The following USP10 variants were observed in gnomAD, a reference collection of about 807,000 sequenced individuals.
USP10 encodes the protein ubiquitin carboxyl-terminal hydrolase 10.
A neutral mutation model predicts 84.5 loss-of-function variants in USP10; 22 were observed. The ratio of observed to expected loss-of-function variants is 0.26; its 90% confidence interval spans 0.19 to 0.37. USP10 has a LOEUF of 0.37. Among genes scored for constraint, USP10 ranks in the 10% least tolerant of loss-of-function variants. USP10 has a pLI of 1.00. For missense variants in USP10, 1,019 were observed against 998.9 expected (o/e 1.02, Z -0.27); for synonymous variants, 454 against 387.6 (o/e 1.17, Z -2.01).
At chr16:84,720,893 ATT>A (rs1192679893) in intron 1 of USP10, among the ~76,000 whole-genome samples, 13 of 98,950 alleles carry the variant, frequency 1.3e-4, no homozygotes, top group Non-Finnish European at 1.5e-4. Flanking sequence ...ATGATGCACA[ATT>A]TTTTTTTTTT....
intron 13 of USP10, among the ~76,000 whole-genome samples, chr16:84,777,504 C>T (rs1194140300): frequency 6.6e-6 from 1 of 152,178 alleles, no homozygotes; most frequent in Non-Finnish European, 1.5e-5. Context: ...GTGACTTGTG[C>T]AGCACAGGAT....
intron 10 of USP10, among the ~76,000 whole-genome samples, chr16:84,767,427 G>T (rs1168796488): frequency 6.6e-6 from 1 of 152,132 alleles, no homozygotes; most frequent in African/African-American, 2.4e-5. Context: ...TTCCTGGAAT[G>T]TTAACTTGTT....
intron 1 of USP10, among the ~76,000 whole-genome samples, chr16:84,728,703 G>A (rs2150791206): frequency 6.6e-6 from 1 of 152,138 alleles, no homozygotes; most frequent in East Asian, 1.9e-4. Flanking sequence ...TAAGTATTTG[G>A]CCATTTTCCC....
intron 4 of USP10, among the ~76,000 whole-genome samples, chr16:84,755,291 C>G (rs1022910884): frequency 6.6e-6 from 1 of 151,782 alleles, no homozygotes. Context: ...CCTTCCGTAT[C>G]GTCAAGAAAA....
intron 4 of USP10, 150 bp from the exon 5 acceptor site, chr16:84,758,566 G>C: frequency 1.6e-6 from 1 of 613,738 alleles, no homozygotes; most frequent in Non-Finnish European, 2.9e-6. Context: ...ATGTTGAACT[G>C]AATGAAGCCT....
intron 1 of USP10, chr16:84,716,446 T>G (rs1218753311): frequency 6.6e-6 from 1 of 152,216 alleles, no homozygotes; most frequent in African/African-American, 2.4e-5. Flanking sequence ...TTTATTAGAT[T>G]CTCAGTATTG....
intron 3 of USP10, among the ~76,000 whole-genome samples, chr16:84,742,002 A>G (rs1910682462): frequency 6.6e-6 from 1 of 152,222 alleles, no homozygotes; most frequent in Admixed American, 6.5e-5. Context: ...AGCTGCAGCA[A>G]GCCCTTTGCA....
At chr16:84,754,725 A>G (rs951103659) in intron 4 of USP10, among the ~76,000 whole-genome samples, 1 of 152,244 alleles carries the variant, frequency 6.6e-6, no homozygotes, top group Admixed American at 6.5e-5. Flanking sequence ...ATGCTGTCTC[A>G]CAAATAAATG....
intron 12 of USP10, among the ~76,000 whole-genome samples, chr16:84,773,279 C>T (rs943749098): frequency 6.6e-6 from 1 of 152,202 alleles, no homozygotes; most frequent in Non-Finnish European, 1.5e-5. Context: ...TAGTACAACA[C>T]TGAGGCTTGA....
At chr16:84,766,366 C>G (rs1328832311) in intron 10 of USP10, among the ~76,000 whole-genome samples, 6 of 152,346 alleles carry the variant, frequency 3.9e-5, no homozygotes, top group South Asian at 2.1e-4. Context: ...TCAGTTGTCA[C>G]CTGGGAAACA....
At chr16:84,739,083 G>C (rs1380443669) in intron 2 of USP10, among the ~76,000 whole-genome samples, 3 of 143,352 alleles carry the variant, frequency 2.1e-5, no homozygotes, top group Non-Finnish European at 4.6e-5. Flanking sequence ...TTTTGAGACA[G>C]AGTCTTGTGC....
intron 3 of USP10, among the ~76,000 whole-genome samples, chr16:84,741,749 C>G (rs922423571): frequency 4.6e-5 from 7 of 152,220 alleles, no homozygotes; most frequent in Non-Finnish European, 1.0e-4. Flanking sequence ...TTCTCTGCAG[C>G]CTTTCTGGGT....
intron 13 of USP10, among the ~76,000 whole-genome samples, chr16:84,776,810 C>T (rs145384749): frequency 2.0e-5 from 3 of 152,140 alleles, no homozygotes; most frequent in African/African-American, 7.2e-5. Flanking sequence ...GAATCCTCAT[C>T]CCCTAACCCA....
chr16:84,738,693 T>A (rs1910243572), intron 2 of USP10, among the ~76,000 whole-genome samples: 1 of 152,264 alleles, frequency 6.6e-6, no homozygotes, highest in Admixed American at 6.5e-5. Context: ...TGTCAACTCC[T>A]GAAGGTGTTG....
intron 12 of USP10, among the ~76,000 whole-genome samples, chr16:84,773,155 C>G (rs1049454076): frequency 1.3e-5 from 2 of 152,174 alleles, no homozygotes; most frequent in Non-Finnish European, 2.9e-5. Context: ...TGTCAGGTCA[C>G]GGGCTCGGCA....
At chr16:84,754,448 T>G (rs1308406170) in intron 4 of USP10, among the ~76,000 whole-genome samples, 1 of 152,136 alleles carries the variant, frequency 6.6e-6, no homozygotes, top group African/African-American at 2.4e-5. Flanking sequence ...AAGGAAAGCT[T>G]GGTGGAGTAC....
chr16:84,739,663 TTTAAG>T (rs1047371601), intron 2 of USP10, among the ~76,000 whole-genome samples: 28 of 152,206 alleles, frequency 1.8e-4, no homozygotes, highest in African/African-American at 5.8e-4. Context: ...AGAAGAAAAA[TTTAAG>T]TTATTTTTGA....
chr16:84,759,329 A>G (rs933175515), intron 5 of USP10, 34 bp from the exon 6 acceptor site: 1 of 1,596,700 alleles, frequency 6.3e-7, no homozygotes, highest in Admixed American at 1.7e-5. Context: ...GTGTCTGTTC[A>G]TTTCCTTTAC....
At chr16:84,777,478 C>G (rs1041750409) in intron 13 of USP10, among the ~76,000 whole-genome samples, 1 of 152,182 alleles carries the variant, frequency 6.6e-6, no homozygotes. Flanking sequence ...GCTTCCTGCC[C>G]TTTCACAAGA....
Sources: gnomAD v4.1 joint callset for allele counts (sites outside exome capture counted in the v4.1 genomes callset) on GRCh38, gnomAD v4.1.1 for gene constraint, MANE v1.5 for transcripts, NCBI Gene and HGNC (gene_info 2026-07-23, HGNC 2026-07-21) for gene names.